The following JAZF1 variants were observed in gnomAD, a reference collection of about 807,000 sequenced individuals.
JAZF1 encodes the protein JAZF zinc finger 1.
JAZF1 carries 8 observed loss-of-function variants against 26.4 expected under a neutral mutation model. That is an observed-to-expected ratio of 0.30 (90% confidence interval 0.18 to 0.55). JAZF1 has a LOEUF of 0.55. JAZF1 is among the 20% of genes least tolerant of loss of function. The probability of loss-of-function intolerance (pLI) is 0.94; values close to 1 mark genes in which losing one functional copy is unlikely to be tolerated. For missense variants in JAZF1, 199 were observed against 322.0 expected, an observed-to-expected ratio of 0.62 and a Z score of 2.92; for synonymous variants, 126 against 122.3, an observed-to-expected ratio of 1.03 and a Z score of -0.20.
chr7:27,935,699 A>T (rs544261665), intron 2 of JAZF1, among the ~76,000 whole-genome samples: 13 of 152,358 alleles, frequency 8.5e-5, no homozygotes, highest in Non-Finnish European at 1.3e-4. Flanking sequence ...TATGTGAATT[A>T]TATCTACAAA....
chr7:28,034,010 T>C (rs1783237831), intron 1 of JAZF1, among the ~76,000 whole-genome samples: 1 of 152,178 alleles, frequency 6.6e-6, no homozygotes. Context: ...CCCAAAGTGC[T>C]GGGATTACAG....
intron 1 of JAZF1, among the ~76,000 whole-genome samples, chr7:28,088,346 A>G (rs1256091808): frequency 1.1e-4 from 16 of 152,238 alleles, no homozygotes; most frequent in Non-Finnish European, 2.2e-4. Flanking sequence ...ACTAGGAGCT[A>G]GCTTTCTTAC....
intron 1 of JAZF1, among the ~76,000 whole-genome samples, chr7:28,021,158 C>T (rs1384002361): frequency 1.3e-5 from 2 of 152,142 alleles, no homozygotes; most frequent in East Asian, 1.9e-4. Flanking sequence ...GATTGGCAAG[C>T]GGCGGACACG....
chr7:28,123,734 T>C (rs753101146), intron 1 of JAZF1, among the ~76,000 whole-genome samples: 9 of 152,216 alleles, frequency 5.9e-5, no homozygotes, highest in Non-Finnish European at 1.2e-4. Flanking sequence ...ATAGCAATGA[T>C]GGAAGATGGA....
chr7:27,990,314 T>C (rs1189569254), intron 2 of JAZF1, among the ~76,000 whole-genome samples: 1 of 151,950 alleles, frequency 6.6e-6, no homozygotes, highest in African/African-American at 2.4e-5. Flanking sequence ...GGGATAGCAT[T>C]AGGAGATACA....
intron 1 of JAZF1, among the ~76,000 whole-genome samples, chr7:28,155,013 T>A (rs561408502): frequency 3.7e-4 from 57 of 152,246 alleles, no homozygotes; most frequent in Middle Eastern, 6.8e-3. Flanking sequence ...CCTTGCTCAC[T>A]AAAACTAAAA....
chr7:28,029,626 G>C (rs1369873021), intron 1 of JAZF1, among the ~76,000 whole-genome samples: 2 of 152,144 alleles, frequency 1.3e-5, no homozygotes, highest in African/African-American at 4.8e-5. Flanking sequence ...TAATGTTTTC[G>C]ATAAAATGGG....
At chr7:27,952,251 G>A (rs1785022287) in intron 2 of JAZF1, among the ~76,000 whole-genome samples, 1 of 152,206 alleles carries the variant, frequency 6.6e-6, no homozygotes, top group Non-Finnish European at 1.5e-5. Context: ...CACAGAAGGG[G>A]TAATGAACCC....
chr7:28,023,206 G>A (rs563226225), intron 1 of JAZF1, among the ~76,000 whole-genome samples: 2 of 152,266 alleles, frequency 1.3e-5, no homozygotes, highest in Admixed American at 6.5e-5. Flanking sequence ...GAGTCCAGCC[G>A]TGAAGCATTG....
intron 1 of JAZF1, among the ~76,000 whole-genome samples, chr7:28,141,724 C>A (rs1010174415): frequency 2.0e-5 from 3 of 152,192 alleles, no homozygotes; most frequent in African/African-American, 7.2e-5. Flanking sequence ...AGGTGCTTGA[C>A]AGATACTTTA....
intron 2 of JAZF1, among the ~76,000 whole-genome samples, chr7:27,906,102 A>C: frequency 2.6e-5 from 4 of 152,234 alleles, no homozygotes; most frequent in African/African-American, 9.7e-5. Context: ...ATTTAGGTGG[A>C]ATTGCTTGAA....
chr7:27,978,840 TGTGA>T (rs1333940970), intron 2 of JAZF1, among the ~76,000 whole-genome samples: 1 of 151,320 alleles, frequency 6.6e-6, no homozygotes, highest in Non-Finnish European at 1.5e-5. Context: ...TACCCTATAC[TGTGA>T]GTAAGTGTGT....
At chr7:28,150,177 G>A (rs373575744) in intron 1 of JAZF1, among the ~76,000 whole-genome samples, 5 of 152,266 alleles carry the variant, frequency 3.3e-5, no homozygotes, top group East Asian at 1.9e-4. Flanking sequence ...AGAAAGCTTC[G>A]GGGGGCAGGG....
At chr7:28,103,484 A>G (rs1169879466) in intron 1 of JAZF1, among the ~76,000 whole-genome samples, 1 of 152,052 alleles carries the variant, frequency 6.6e-6, no homozygotes, top group Non-Finnish European at 1.5e-5. Context: ...TGCCCACTGA[A>G]GATTATCATT....
chr7:28,020,934 G>T, intron 1 of JAZF1: 1 of 310,316 alleles, frequency 3.2e-6, no homozygotes, highest in South Asian at 2.9e-5. Flanking sequence ...AAAGTAACCT[G>T]GTTCTTTGGA....
chr7:27,890,953 CA>C (rs1427874751), intron 3 of JAZF1, among the ~76,000 whole-genome samples: 1 of 152,058 alleles, frequency 6.6e-6, no homozygotes, highest in East Asian at 1.9e-4. Context: ...CCACACTTGG[CA>C]AATCTTTATA....
intron 1 of JAZF1, among the ~76,000 whole-genome samples, chr7:28,041,604 G>GTAA (rs1783393371): frequency 1.3e-5 from 2 of 151,994 alleles, no homozygotes; most frequent in Admixed American, 6.6e-5. Flanking sequence ...TCAGCCTAAG[G>GTAA]GCAAGACCTA....
At position 27,830,983 on chromosome 7, in the gene JAZF1, A is replaced by T. The variant is rs1190517105; in HGVS notation, c.*1817T>A. On this transcript the variant is annotated 3_prime_UTR_variant, in exon 5 of 5. Coordinates refer to ENST00000283928, the MANE Select transcript of JAZF1 (RefSeq NM_175061.4). ...ACTAGAAAGAGCGAAGCTAAATAAT[A>T]ATTGCTGGCCTAAAAAATTTTTTTT... 1.8e-5 allele frequency: 4 copies of T among 219,384 alleles called. No homozygotes were observed. Among genetic ancestry groups the T allele is most frequent in the Non-Finnish European group, 3.7e-5 (4 of 109,240 alleles). 13.6% of individuals were successfully genotyped at this position (219,384 alleles called of 1,614,324 possible).
chr7:28,045,771 A>G (rs890438354), intron 1 of JAZF1, among the ~76,000 whole-genome samples: 1 of 152,104 alleles, frequency 6.6e-6, no homozygotes, highest in Non-Finnish European at 1.5e-5. Flanking sequence ...ACACGGTCTC[A>G]CTGTGTTGCC....
Sources: gnomAD v4.1 joint callset for allele counts (sites outside exome capture counted in the v4.1 genomes callset) on GRCh38, gnomAD v4.1.1 for gene constraint, MANE v1.5 for transcripts, NCBI Gene and HGNC (gene_info 2026-07-23, HGNC 2026-07-21) for gene names.